The following MYO18B variants were observed in gnomAD, a reference collection of about 807,000 sequenced individuals.
MYO18B encodes unconventional myosin-XVIIIb.
A neutral mutation model predicts 273.0 loss-of-function variants in MYO18B; 204 were observed. That is an observed-to-expected ratio of 0.75 (90% CI 0.67 to 0.84). The LOEUF is 0.84. Ranked by LOEUF, MYO18B falls within the 40% of genes least tolerant of loss-of-function variation. MYO18B has a pLI of 0.00. For synonymous variants in MYO18B, 1,330 were observed against 1,305.7 expected, an observed-to-expected ratio of 1.02 and a Z score of -0.40; for missense variants, 3,212 against 3,287.6, an observed-to-expected ratio of 0.98 and a Z score of 0.56.
intron 36 of MYO18B, 101 bp downstream of exon 36, chr22:25,947,929 C>A: frequency 3.7e-6 from 3 of 812,598 alleles, no homozygotes; most frequent in Non-Finnish European, 4.1e-6. Flanking sequence ...CTGGTCTTAA[C>A]ATCTTGGAGG....
intron 42 of MYO18B, among the ~76,000 whole-genome samples, chr22:26,023,213 C>G (rs1184143676): frequency 4.6e-5 from 7 of 152,146 alleles, no homozygotes; most frequent in Non-Finnish European, 1.0e-4. Flanking sequence ...CTTTCATGCT[C>G]TAGCCTTCCT....
At chr22:25,838,420 G>C (rs2089971656) in intron 17 of MYO18B, among the ~76,000 whole-genome samples, 1 of 152,002 alleles carries the variant, frequency 6.6e-6, no homozygotes, top group Admixed American at 6.5e-5. Context: ...GGCTGGTCTG[G>C]AACTACTGAC....
At chr22:25,854,692 G>T (rs554388775) in intron 21 of MYO18B, among the ~76,000 whole-genome samples, 4 of 152,082 alleles carry the variant, frequency 2.6e-5, no homozygotes, top group Admixed American at 2.6e-4. Context: ...TCAGGCTCTG[G>T]CCATCATCAT....
chr22:25,780,515 A>C (rs2087095968), intron 9 of MYO18B, among the ~76,000 whole-genome samples: 1 of 146,618 alleles, frequency 6.8e-6, no homozygotes, highest in South Asian at 2.3e-4. Flanking sequence ...CCTTGAACCC[A>C]GGAGGCGGAG....
intron 40 of MYO18B, among the ~76,000 whole-genome samples, chr22:25,995,444 A>G (rs1294395326): frequency 3.3e-5 from 5 of 152,198 alleles, no homozygotes; most frequent in Non-Finnish European, 5.9e-5. Context: ...GAGGGGATGG[A>G]TACCCCATTT....
At chr22:25,764,139 T>C (rs1411786457) in intron 3 of MYO18B, among the ~76,000 whole-genome samples, 3 of 152,190 alleles carry the variant, frequency 2.0e-5, no homozygotes, top group African/African-American at 7.2e-5. Context: ...CTGGTGTCCG[T>C]CCTGATTGGT....
intron 7 of MYO18B, among the ~76,000 whole-genome samples, chr22:25,773,310 C>G (rs965893505): frequency 2.0e-5 from 3 of 152,128 alleles, no homozygotes; most frequent in African/African-American, 7.2e-5. Context: ...GAAGAAAAGA[C>G]AGTCCATCAA....
intron 22 of MYO18B, 55 bp from the exon 23 acceptor site, chr22:25,874,231 A>T: frequency 6.3e-7 from 1 of 1,593,436 alleles, no homozygotes; most frequent in Non-Finnish European, 8.6e-7. Context: ...GCACCCCCCC[A>T]TTGTAGACAG....
chr22:25,823,510 C>T lies in MYO18B; in HGVS notation c.2527C>T (p.Arg843Trp), dbSNP rs780527051. Residue 843 changes from arginine (R) to tryptophan (W), a missense_variant, in exon 13 of 44, where the codon CGG (arginine) becomes TGG (tryptophan). Physicochemically the swap from Arg to Trp is moderately radical, Grantham distance 101. Transcript: ENST00000335473. ...LGAAGACKVG[R>W]KQFMRFEWAN... Reference sequence around the variant, plus strand: ...CTGTTTTGTCCCCTTTGCAGTGGGTCGGAAGCAGTTCATGAGGTTTGAGTG... The same window carrying T: ...CTGTTTTGTCCCCTTTGCAGTGGGTTGGAAGCAGTTCATGAGGTTTGAGTG... 1.5e-5 allele frequency: 24 copies of T among 1,613,630 alleles called. No individual in the cohort carries two copies. The highest frequency in any genetic ancestry group is 8.9e-5 in the East Asian group (4 of 44,858).
intron 4 of MYO18B, among the ~76,000 whole-genome samples, chr22:25,769,694 T>C (rs1319593236): frequency 6.6e-6 from 1 of 152,076 alleles, no homozygotes; most frequent in Admixed American, 6.6e-5. Context: ...GTGAGGTGTC[T>C]CCTCACGGCT....
At chr22:25,794,875 G>GA (rs2087841476) in intron 11 of MYO18B, among the ~76,000 whole-genome samples, 2 of 152,200 alleles carry the variant, frequency 1.3e-5, no homozygotes, top group Admixed American at 1.3e-4. Context: ...CTCCTTCCAT[G>GA]AAAGGCTCCT....
rs937766328 is a variant in MYO18B, at chr22:25,753,572, A to G, written c.-109-7412A>G. On this transcript the variant is annotated intron_variant, in intron 1 of 43. Coordinates refer to ENST00000335473, the MANE Select transcript of MYO18B (RefSeq NM_032608.7). ...GGTTGTGTTTTCGCTCTTTGCAATA[A>G]TTCTTGCTGCTGGTCGATTGTTGGG... Among the ~76,000 whole-genome samples, 6 of 152,242 alleles carry G rather than the reference A, an allele frequency of 3.9e-5. No individual in the cohort carries two copies. In the East Asian group the frequency reaches 1.2e-3, roughly 29 times the overall value.
At chr22:25,810,948 C>A (rs1429326070) in intron 12 of MYO18B, among the ~76,000 whole-genome samples, 1 of 152,104 alleles carries the variant, frequency 6.6e-6, no homozygotes, top group Non-Finnish European at 1.5e-5. Context: ...TGTCATATAT[C>A]CGTTGTTAGT....
Position 26,026,793 on chromosome 22 carries a change from G to A in MYO18B, c.6819G>A (p.Glu2273=). ...GCCAGGGGTCCACGCTGGGCCTAGA[G>A]GACTGGCCCACTCTCCCCATTTACC... ...QRGQGSTLGL[E]DWPTLPIYQT... The change falls in exon 43 of 44, where the codon GAG becomes GAA. Residue 2273 remains glutamate (E), a synonymous_variant. Coordinates refer to ENST00000335473, the MANE Select transcript of MYO18B (RefSeq NM_032608.7). 2 of 1,602,448 alleles carry A rather than the reference G, an allele frequency of 1.2e-6. No homozygotes were observed. The highest frequency in any genetic ancestry group is 1.7e-6 in the Non-Finnish European group (2 of 1,174,734).
chr22:25,770,213 T>A (rs376011861), intron 5 of MYO18B, 37 bp downstream of exon 5: 66 of 1,598,010 alleles, frequency 4.1e-5, no homozygotes, highest in Non-Finnish European at 5.3e-5. Context: ...AGGGTCTGAG[T>A]CTTCTCCTGT....
chr22:25,962,236 T>A (rs2092925608), intron 39 of MYO18B, among the ~76,000 whole-genome samples: 1 of 152,200 alleles, frequency 6.6e-6, no homozygotes. Flanking sequence ...AATATCAGGT[T>A]AAGCACCTCC....
intron 35 of MYO18B, among the ~76,000 whole-genome samples, chr22:25,947,482 C>G (rs2092725566): frequency 1.1e-5 from 1 of 87,254 alleles, no homozygotes; most frequent in African/African-American, 4.4e-5. Context: ...ACATGTAATG[C>G]CTAATACACA....
At chr22:25,746,857 C>T (rs1568960218) in intron 1 of MYO18B, among the ~76,000 whole-genome samples, 2 of 152,166 alleles carry the variant, frequency 1.3e-5, no homozygotes, top group South Asian at 4.1e-4. Flanking sequence ...CGCAGTGGCT[C>T]ATGCCTGTAA....
At chr22:25,848,616 G>C (rs2090330131) in intron 20 of MYO18B, among the ~76,000 whole-genome samples, 1 of 152,198 alleles carries the variant, frequency 6.6e-6, no homozygotes, top group African/African-American at 2.4e-5. Flanking sequence ...TTCTAATCAA[G>C]GGATTGAAGT....
Sources: gnomAD v4.1 joint callset for allele counts (sites outside exome capture counted in the v4.1 genomes callset) on GRCh38, gnomAD v4.1.1 for gene constraint, MANE v1.5 for transcripts, NCBI Gene and HGNC (gene_info 2026-07-23, HGNC 2026-07-21) for gene names.